RPL7A: variants seen among roughly 807,000 people sequenced by gnomAD.
The protein encoded by RPL7A is large ribosomal subunit protein eL8.
For missense variants in RPL7A, 291 were observed against 338.2 expected, an observed-to-expected ratio of 0.86 and a Z score of 1.09; for synonymous variants, 158 against 128.2, an observed-to-expected ratio of 1.23 and a Z score of -1.57.
chr9:133,348,223 T>C lies in RPL7A; in HGVS notation c.-21T>C, dbSNP rs2129976859. 3 of 1,613,826 alleles carry C rather than the reference T, an allele frequency of 1.9e-6. No individual in the cohort carries two copies. The highest frequency in any genetic ancestry group is 2.7e-5 in the African/African-American group (2 of 74,866). ...ATTACCCACAATTCCCTTTCCTTTCTCTCTCCTCCCGCCGCCCAAGATGGT... is the reference window on the plus strand; with the variant it reads ...ATTACCCACAATTCCCTTTCCTTTCCCTCTCCTCCCGCCGCCCAAGATGGT... On this transcript the variant is annotated 5_prime_UTR_variant, in exon 1 of 8. Coordinates refer to ENST00000323345, the MANE Select transcript of RPL7A (RefSeq NM_000972.3).
At chr9:133,349,343 G>T (rs1452776040) in intron 2 of RPL7A, 3 of 847,994 alleles carry the variant, frequency 3.5e-6, no homozygotes, top group Admixed American at 3.4e-5. Flanking sequence ...TGGCACCTTG[G>T]CTTCTTGTTA....
chr9:133,348,787 T>C (rs2129980935), intron 1 of RPL7A, 135 bp from the exon 2 acceptor site: 118,174 of 1,339,622 alleles, frequency 0.088, 6,860 homozygotes, highest in African/African-American at 0.26. Context: ...TGCTGGGGGG[T>C]TGCAGAAAGC....
intron 3 of RPL7A, 59 bp from the exon 4 acceptor site, chr9:133,349,846 ATTAAGTG>A (rs1199632577): frequency 3.8e-6 from 6 of 1,592,782 alleles, no homozygotes; most frequent in Non-Finnish European, 5.1e-6. Flanking sequence ...AGCATTTGTT[ATTAAGTG>A]TTAAGTGACA....
chr9:133,350,669 C>G lies in RPL7A; in HGVS notation c.568C>G (p.Leu190Val). 1.2e-6 allele frequency: 2 copies of G among 1,614,164 alleles called. No individual in the cohort carries two copies. The highest frequency in any genetic ancestry group is 1.7e-4 in the Middle Eastern group (1 of 6,060). The part of the protein sequence containing the change: ...PYCIIKGKAR[L>V]GRLVHRKTCT... ...CTGCATTATCAAGGGAAAGGCAAGA[C>G]TGGGACGTCTAGTCCACAGGAAGAC... Residue 190 changes from leucine (L) to valine (V), a missense_variant, in exon 6 of 8, where the codon CTG becomes GTG. By Grantham distance (32) the Leu-to-Val change is conservative. Transcript: ENST00000323345.
intron 1 of RPL7A, chr9:133,348,655 G>A: frequency 1.5e-6 from 1 of 679,348 alleles, no homozygotes; most frequent in Non-Finnish European, 2.7e-6. Context: ...AGTCCGGGGT[G>A]TCTCCTGGGT....
At chr9:133,348,293 A>G in intron 1 of RPL7A, 47 bp downstream of exon 1, 1 of 1,613,662 alleles carries the variant, frequency 6.2e-7, no homozygotes, top group South Asian at 1.1e-5. Context: ...TTCCGGCTGT[A>G]TCCGCTGCCA....
intron 2 of RPL7A, 117 bp from the exon 3 acceptor site, chr9:133,349,433 TG>T: frequency 8.4e-7 from 1 of 1,191,460 alleles, no homozygotes; most frequent in Non-Finnish European, 1.3e-6. Context: ...ATCTGAGAGA[TG>T]GTGATGACAT....
rs1244119174 is a variant in RPL7A, at chr9:133,350,304, C to T, written c.480C>T (p.Asp160=). 8 of 1,613,902 alleles carry T rather than the reference C, an allele frequency of 5.0e-6. No homozygotes were observed. Among genetic ancestry groups the T allele is most frequent in the Middle Eastern group, 1.6e-4 (1 of 6,080 alleles). The change falls in exon 5 of 8, where the codon GAC becomes GAT. Residue 160 remains aspartate, a synonymous_variant. Transcript: ENST00000323345. ...KKAQLVVIAH[D]VDPIELVVFL... ...CTCAGCTGGTGGTGATTGCACACGA[C>T]GTGGATCCCATCGAGGTGCGTTTGC...
intron 1 of RPL7A, 62 bp from the exon 2 acceptor site, chr9:133,348,859 GA>G (rs1205631440): frequency 1.2e-5 from 20 of 1,612,778 alleles, no homozygotes; most frequent in African/African-American, 2.7e-5. Context: ...GAGCCAGCCT[GA>G]GCCCTACCCC....
intron 3 of RPL7A, 86 bp downstream of exon 3, chr9:133,349,786 T>C: frequency 6.3e-7 from 1 of 1,587,564 alleles, no homozygotes; most frequent in Non-Finnish European, 8.6e-7. Context: ...CTTAGGCTTC[T>C]TGAACTGCAG....
intron 7 of RPL7A, 29 bp downstream of exon 7, chr9:133,351,100 G>A (rs2129998086): frequency 6.2e-7 from 1 of 1,605,496 alleles, no homozygotes; most frequent in Non-Finnish European, 8.5e-7. Context: ...CCAAAATACT[G>A]TCATTCACAA....
intron 5 of RPL7A, 31 bp downstream of exon 5, chr9:133,350,350 G>C (rs2129993009): frequency 1.9e-6 from 3 of 1,610,682 alleles, no homozygotes; most frequent in Admixed American, 3.3e-5. Flanking sequence ...CTAACCCAAG[G>C]GCTTCTGGCA....
At chr9:133,349,069 C>A in intron 2 of RPL7A, 27 bp downstream of exon 2, 1 of 1,611,316 alleles carries the variant, frequency 6.2e-7, no homozygotes, top group Non-Finnish European at 8.5e-7. Flanking sequence ...AGAATGAAAA[C>A]GGTCTATGTT....
Position 133,349,009 on chromosome 9 carries a change from C to T in RPL7A, c.91C>T (p.Leu31=). The T allele has an allele frequency of 1.2e-6, 2 of 1,614,064 alleles. No individual in the cohort carries two copies. The highest frequency in any genetic ancestry group is 1.7e-6 in the Non-Finnish European group (2 of 1,180,002). ...GGAGGCTAAGAAAGTGGTGAATCCCCTGTTTGAGAAAAGGCCTAAGAATTT... is the reference window on the plus strand; with the variant it reads ...GGAGGCTAAGAAAGTGGTGAATCCCTTGTTTGAGAAAAGGCCTAAGAATTT... ...KQEAKKVVNP[L]FEKRPKNFGI... The change falls in exon 2 of 8, where the codon CTG becomes TTG. Residue 31 remains leucine (L), a synonymous_variant. Coordinates refer to ENST00000323345, the MANE Select transcript of RPL7A (RefSeq NM_000972.3).
chr9:133,350,205 C>T (rs1279543293), intron 4 of RPL7A, 35 bp from the exon 5 acceptor site: 1 of 1,611,086 alleles, frequency 6.2e-7, no homozygotes, highest in African/African-American at 1.3e-5. Flanking sequence ...TAGAGCAGGC[C>T]CTGTGAGTGC....
At position 133,349,663 on chromosome 9, in the gene RPL7A, G is replaced by A. The variant is rs2129987824; in HGVS notation, c.237G>A (p.Ala79=). The change falls in exon 3 of 8, where the codon GCG becomes GCA. Residue 79 remains alanine (A), a synonymous_variant. Coordinates refer to ENST00000323345, the MANE Select transcript of RPL7A (RefSeq NM_000972.3). ...ILYKRLKVPP[A]INQFTQALDR... ...ATAAGCGGCTGAAAGTGCCTCCTGC[G>A]ATTAACCAGTTCACCCAGGCCCTGG... 2.9e-5 allele frequency: 46 copies of A among 1,613,942 alleles called. No homozygotes were observed. The highest frequency in any genetic ancestry group is 3.6e-5 in the Non-Finnish European group (42 of 1,180,008).
In RPL7A at chr9:133,348,317, G is replaced by C; in HGVS notation, c.3+71G>C. 3 of 1,607,226 alleles carry C rather than the reference G, an allele frequency of 1.9e-6. No homozygotes were observed. The South Asian group carries it at 3.3e-5, about 18-fold the overall frequency. ...TATCCGCTGCCATCCTCCTCCAGGCGCGGCCTCGGAGGGCCTCCTGCTCCT... is the reference window on the plus strand; with the variant it reads ...TATCCGCTGCCATCCTCCTCCAGGCCCGGCCTCGGAGGGCCTCCTGCTCCT... On this transcript the variant is annotated intron_variant, in intron 1 of 7. Transcript: ENST00000323345.
At position 133,349,051 on chromosome 9, in the gene RPL7A, C is replaced by T. The variant is rs1836302570; in HGVS notation, c.124+9C>T. 1 of 1,613,106 alleles carries T rather than the reference C, an allele frequency of 6.2e-7. No homozygotes were observed. The highest frequency in any genetic ancestry group is 8.5e-7 in the Non-Finnish European group (1 of 1,179,576). On this transcript the variant is annotated intron_variant, in intron 2 of 7. Transcript: ENST00000323345. ...TAAGAATTTTGGCATTGGTAAGTAA[C>T]AAACGGCAGAATGAAAACGGTCTAT...
At position 133,349,030 on chromosome 9, in the gene RPL7A, A is replaced by G. The variant is rs2129982784; in HGVS notation, c.112A>G (p.Asn38Asp). The change falls in exon 2 of 8, where the codon AAT (asparagine) becomes GAT (aspartate). Residue 38 changes from asparagine to aspartate, a missense_variant. Transcript: ENST00000323345. ...TCCCCTGTTTGAGAAAAGGCCTAAG[A>G]ATTTTGGCATTGGTAAGTAACAAAC... ...VNPLFEKRPK[N>D]FGIGQDIQPK... 42 of 1,613,722 alleles carry G rather than the reference A, an allele frequency of 2.6e-5. No homozygotes were observed. Among genetic ancestry groups the G allele is most frequent in the Non-Finnish European group, 3.2e-5 (38 of 1,179,922 alleles).
Sources: allele counts gnomAD v4.1 joint callset, GRCh38; gene constraint gnomAD v4.1.1; transcripts MANE v1.5; gene names NCBI Gene and HGNC (gene_info 2026-07-23, HGNC 2026-07-21).